The following THSD7B variants were observed in gnomAD, a reference collection of about 807,000 sequenced individuals.
THSD7B encodes the protein thrombospondin type-1 domain-containing protein 7B.
A neutral mutation model predicts 213.6 loss-of-function variants in THSD7B; 138 were observed. The ratio of observed to expected loss-of-function variants is 0.65; its 90% CI spans 0.56 to 0.74. The LOEUF (loss-of-function observed/expected upper bound fraction) is 0.74. THSD7B is among the 30% of genes least tolerant of loss of function. The probability of loss-of-function intolerance (pLI) is 0.00; values close to 1 mark genes in which losing one functional copy is unlikely to be tolerated. For missense variants in THSD7B, 1,931 were observed against 1,991.5 expected (o/e 0.97, Z 0.58); for synonymous variants, 742 against 687.0 (o/e 1.08, Z -1.25).
intron 1 of THSD7B, among the ~76,000 whole-genome samples, chr2:136,801,025 T>C (rs751030503): frequency 1.9e-4 from 29 of 152,048 alleles, no homozygotes; most frequent in Admixed American, 3.3e-4. Flanking sequence ...AGTTTTTTTT[T>C]CCTTTGTCCC....
chr2:137,056,815 G>A lies in THSD7B; in HGVS notation c.535G>A (p.Asp179Asn), dbSNP rs761915500. 7 of 1,613,828 alleles carry A rather than the reference G, an allele frequency of 4.3e-6. No homozygotes were observed. Among genetic ancestry groups the A allele is most frequent in the Non-Finnish European group, 5.9e-6 (7 of 1,179,886 alleles). Residue 179 changes from aspartate to asparagine, a missense_variant, in exon 3 of 28, where the codon GAT (aspartate) becomes AAT (asparagine). Coordinates refer to ENST00000409968, the MANE Select transcript of THSD7B (RefSeq NM_001316349.2). Reference protein sequence around the residue: ...EQACLIPCPRDCVVSEFLPWS... With the variant: ...EQACLIPCPRNCVVSEFLPWS... ...GGCTTGCCTCATTCCTTGTCCCCGG[G>A]ATTGTGTAGTATCTGAGTTCTTACC... is the stretch of plus-strand genomic sequence containing the variant.
chr2:137,027,585 A>G (rs1478438107), intron 2 of THSD7B, among the ~76,000 whole-genome samples: 1 of 152,206 alleles, frequency 6.6e-6, no homozygotes, highest in Non-Finnish European at 1.5e-5. Context: ...AACATGTGCT[A>G]TGAAAGAGGA....
At chr2:137,272,235 G>T (rs1682761066) in intron 10 of THSD7B, among the ~76,000 whole-genome samples, 1 of 152,050 alleles carries the variant, frequency 6.6e-6, no homozygotes, top group Non-Finnish European at 1.5e-5. Context: ...GGTTTCTGGG[G>T]CCCCTTCGAT....
intron 1 of THSD7B, among the ~76,000 whole-genome samples, chr2:136,794,360 G>A (rs1197421868): frequency 2.0e-5 from 3 of 151,012 alleles, no homozygotes; most frequent in Non-Finnish European, 4.4e-5. Flanking sequence ...TTCCCATTAG[G>A]CATTGCCTTA....
chr2:137,664,381 G>A (rs77081795), intron 26 of THSD7B, among the ~76,000 whole-genome samples: 3,822 of 152,206 alleles, frequency 0.025, 134 homozygotes, highest in African/African-American at 0.086. Flanking sequence ...TTGTGATTAT[G>A]TATAGTTTCT....
At chr2:136,805,181 A>T (rs888073330) in intron 1 of THSD7B, among the ~76,000 whole-genome samples, 1 of 151,970 alleles carries the variant, frequency 6.6e-6, no homozygotes, top group Admixed American at 6.6e-5. Flanking sequence ...TCCTTTACCT[A>T]TTTGCTTCTG....
chr2:136,788,291 T>C (rs574938254), intron 1 of THSD7B, among the ~76,000 whole-genome samples: 1 of 152,306 alleles, frequency 6.6e-6, no homozygotes, highest in South Asian at 2.1e-4. Context: ...AAGGACTTCT[T>C]CCAATTGGAG....
chr2:137,156,276 G>T (rs1404842923), intron 5 of THSD7B: 1 of 152,142 alleles, frequency 6.6e-6, no homozygotes, highest in East Asian at 1.9e-4. Context: ...ATAGAGACAG[G>T]CTGACCCAAG....
At chr2:137,404,775 T>C (rs1475660072) in intron 12 of THSD7B, among the ~76,000 whole-genome samples, 1 of 151,920 alleles carries the variant, frequency 6.6e-6, no homozygotes, top group African/African-American at 2.4e-5. Flanking sequence ...AAACATCATA[T>C]GCTCTCACTG....
chr2:137,616,351 T>C, intron 18 of THSD7B, 35 bp downstream of exon 18: 1 of 1,592,990 alleles, frequency 6.3e-7, no homozygotes, highest in Non-Finnish European at 8.6e-7. Context: ...TCGTTCTCCC[T>C]GAACATTGAC....
At chr2:137,222,330 G>A (rs532022749) in intron 7 of THSD7B, among the ~76,000 whole-genome samples, 3 of 152,210 alleles carry the variant, frequency 2.0e-5, no homozygotes, top group Non-Finnish European at 2.9e-5. Context: ...AAATCCAGAC[G>A]TCCCAACTAC....
At chr2:137,614,607 G>C (rs1682349005) in intron 17 of THSD7B, among the ~76,000 whole-genome samples, 1 of 152,110 alleles carries the variant, frequency 6.6e-6, no homozygotes, top group African/African-American at 2.4e-5. Flanking sequence ...GTAAAATAGT[G>C]ATAAATTATT....
chr2:137,635,185 G>A (rs371585480), intron 20 of THSD7B, among the ~76,000 whole-genome samples: 1 of 152,136 alleles, frequency 6.6e-6, no homozygotes, highest in Non-Finnish European at 1.5e-5. Context: ...ATATTTTATA[G>A]GGAGTGTCTT....
chr2:137,404,474 T>TACACACACACACACACAC (rs1207612144), intron 12 of THSD7B, among the ~76,000 whole-genome samples: 11 of 40,260 alleles, frequency 2.7e-4, no homozygotes, highest in African/African-American at 1.1e-3. Flanking sequence ...TATATATATA[T>TACACACACACACACACAC]ACACACACAC....
At chr2:136,866,789 G>C (rs1046316767) in intron 1 of THSD7B, among the ~76,000 whole-genome samples, 20 of 152,174 alleles carry the variant, frequency 1.3e-4, no homozygotes, top group Admixed American at 5.2e-4. Flanking sequence ...GAAAGTATTT[G>C]TTATGAAAGG....
intron 5 of THSD7B, among the ~76,000 whole-genome samples, chr2:137,157,434 A>G (rs1679929946): frequency 6.6e-6 from 1 of 152,066 alleles, no homozygotes; most frequent in African/African-American, 2.4e-5. Context: ...GGGGGACTGG[A>G]GCAAAGCCGG....
At chr2:136,960,811 C>T (rs1032868521) in intron 2 of THSD7B, among the ~76,000 whole-genome samples, 11 of 150,404 alleles carry the variant, frequency 7.3e-5, no homozygotes, top group East Asian at 4.0e-4. Flanking sequence ...GAGACTGGGC[C>T]GGGCGCAGTG....
chr2:137,666,344 T>C (rs1683446184), intron 26 of THSD7B, among the ~76,000 whole-genome samples: 1 of 152,034 alleles, frequency 6.6e-6, no homozygotes, highest in Admixed American at 6.5e-5. Context: ...TCAAAGAGAT[T>C]AGAATCAAAG....
intron 12 of THSD7B, among the ~76,000 whole-genome samples, chr2:137,305,667 C>A (rs1199785411): frequency 6.6e-6 from 1 of 152,126 alleles, no homozygotes; most frequent in African/African-American, 2.4e-5. Context: ...AGTCCTACTA[C>A]CTTCCTTACC....
Sources: allele counts gnomAD v4.1 joint callset (sites outside exome capture counted in the v4.1 genomes callset), GRCh38; gene constraint gnomAD v4.1.1; transcripts MANE v1.5; gene names NCBI Gene and HGNC (gene_info 2026-07-23, HGNC 2026-07-21).